Variants in TMEM184B observed in about 807,000 individuals in gnomAD.
TMEM184B encodes transmembrane protein 184B.
A neutral mutation model predicts 41.8 loss-of-function variants in TMEM184B; 17 were observed. The observed-to-expected ratio is 0.41, with a 90% CI of 0.28 to 0.61. TMEM184B has a LOEUF of 0.61. TMEM184B is among the 20% of genes least tolerant of loss of function. The probability of loss-of-function intolerance (pLI) is 0.34; values close to 1 mark genes in which losing one functional copy is unlikely to be tolerated. For synonymous variants in TMEM184B, 240 were observed against 229.5 expected, an observed-to-expected ratio of 1.05 and a Z score of -0.41; for missense variants, 393 against 557.8, an observed-to-expected ratio of 0.70 and a Z score of 2.98.
chr22:38,233,935 A>G (rs1482662360), intron 3 of TMEM184B, among the ~76,000 whole-genome samples: 1 of 151,890 alleles, frequency 6.6e-6, no homozygotes, highest in Non-Finnish European at 1.5e-5. Context: ...ACACCCAGCT[A>G]ATTTTGTATT....
chr22:38,260,150 C>A (rs752185599), intron 1 of TMEM184B, among the ~76,000 whole-genome samples: 1 of 152,000 alleles, frequency 6.6e-6, no homozygotes, highest in African/African-American at 2.4e-5. Flanking sequence ...CCTTGTGTTC[C>A]GCCCACCTTG....
intron 8 of TMEM184B, chr22:38,222,740 G>A (rs1011311380): frequency 1.0e-6 from 1 of 982,110 alleles, no homozygotes; most frequent in African/African-American, 1.8e-5. Context: ...GAAGACAAGA[G>A]ACAGCTGAGT....
chr22:38,258,368 T>A (rs2092318049), intron 1 of TMEM184B, among the ~76,000 whole-genome samples: 1 of 150,782 alleles, frequency 6.6e-6, no homozygotes, highest in African/African-American at 2.4e-5. Context: ...AGGAACAATC[T>A]CGGCTCACTG....
At chr22:38,264,781 G>A (rs1047939431) in intron 1 of TMEM184B, among the ~76,000 whole-genome samples, 5 of 152,152 alleles carry the variant, frequency 3.3e-5, no homozygotes, top group Admixed American at 2.6e-4. Flanking sequence ...GGGAAAAGAA[G>A]GAAAAGTCTT....
chr22:38,231,235 C>T lies in TMEM184B; in HGVS notation c.449+9G>A. On this transcript the variant is annotated intron_variant, in intron 4 of 8. Coordinates refer to ENST00000361906, the MANE Select transcript of TMEM184B (RefSeq NM_012264.5). ...GTGGTTTAGGGCTCTGGGAAGACTC[C>T]ATACTCACTCAATGGGTTTTCCTCT... is the stretch of plus-strand genomic sequence containing the variant. The T allele has an allele frequency of 6.2e-7, 1 of 1,613,090 alleles. No homozygotes were observed. The highest frequency in any genetic ancestry group is 8.5e-7 in the Non-Finnish European group (1 of 1,179,086).
intron 8 of TMEM184B, chr22:38,222,198 C>T (rs2091280733): frequency 6.0e-6 from 1 of 166,524 alleles, no homozygotes; most frequent in East Asian, 1.8e-4. Flanking sequence ...TGGCCTGCAC[C>T]CCCAGGGGAG....
At chr22:38,227,081 C>T (rs2091465652) in intron 5 of TMEM184B, among the ~76,000 whole-genome samples, 1 of 150,830 alleles carries the variant, frequency 6.6e-6, no homozygotes, top group Non-Finnish European at 1.5e-5. Context: ...TGGGGGGTGG[C>T]TACGTGTCCT....
chr22:38,259,114 T>C (rs541994435), intron 1 of TMEM184B, among the ~76,000 whole-genome samples: 13 of 152,294 alleles, frequency 8.5e-5, no homozygotes, highest in Non-Finnish European at 1.5e-4. Context: ...CTTTCTCAGA[T>C]AAGCTACGCA....
At chr22:38,272,618 A>T in intron 1 of TMEM184B, 1 of 985,460 alleles carries the variant, frequency 1.0e-6, no homozygotes, top group Non-Finnish European at 1.2e-6. Context: ...ATTACACTCC[A>T]GGAGCTGCCC....
At position 38,270,134 on chromosome 22, in the gene TMEM184B, G is replaced by A. The variant is rs536154522; in HGVS notation, c.-59+2750C>T. Among the ~76,000 whole-genome samples the A allele has an allele frequency of 3.3e-5, 5 of 152,286 alleles. No individual in the cohort carries two copies. In the South Asian group the frequency reaches 1.0e-3, roughly 32 times the overall value. ...TCAAGCCTCTGCGTCTGAGAGGTGAGGCAGCTCAGACCTCCACATCTGCCC... is the reference window on the plus strand; with the variant it reads ...TCAAGCCTCTGCGTCTGAGAGGTGAAGCAGCTCAGACCTCCACATCTGCCC... On this transcript the variant is annotated intron_variant, in intron 1 of 8. Coordinates refer to ENST00000361906, the MANE Select transcript of TMEM184B (RefSeq NM_012264.5).
At chr22:38,263,839 C>G (rs1436678076) in intron 1 of TMEM184B, among the ~76,000 whole-genome samples, 2 of 152,218 alleles carry the variant, frequency 1.3e-5, no homozygotes, top group East Asian at 3.8e-4. Context: ...CAGTCTCGCT[C>G]TGTCTCCCAG....
downstream of TMEM184B, among the ~76,000 whole-genome samples, chr22:38,217,786 G>A (rs1482421136): frequency 2.0e-5 from 3 of 147,816 alleles, no homozygotes; most frequent in Admixed American, 6.8e-5. Flanking sequence ...AGCTGAGATC[G>A]CGCCACTGCA....
In TMEM184B at chr22:38,225,904, A is replaced by G. The variant is rs2091421434; in HGVS notation, c.618-311T>C. ...GCCGGGCCCGAGGCCATAGCCTGACACTCAGATAACAGGCGTCAAAATAGG... is the reference window on the plus strand; with the variant it reads ...GCCGGGCCCGAGGCCATAGCCTGACGCTCAGATAACAGGCGTCAAAATAGG... On this transcript the variant is annotated intron_variant, in intron 6 of 8. Transcript: ENST00000361906. The surrounding 1 kb of genome is among the most constrained non-coding windows in gnomAD (Gnocchi z 4.4). 6.6e-6 allele frequency among the ~76,000 whole-genome samples: 1 copy of G among 152,010 alleles called. No homozygotes were observed. Among genetic ancestry groups the G allele is most frequent in the African/African-American group, 2.4e-5 (1 of 41,362 alleles).
intron 1 of TMEM184B, among the ~76,000 whole-genome samples, chr22:38,271,862 G>A (rs555624506): frequency 6.6e-6 from 1 of 152,214 alleles, no homozygotes; most frequent in Non-Finnish European, 1.5e-5. Context: ...TAAATAGGTA[G>A]ATGGAAAGGG....
At chr22:38,269,183 A>G (rs970362482) in intron 1 of TMEM184B, among the ~76,000 whole-genome samples, 3 of 152,196 alleles carry the variant, frequency 2.0e-5, no homozygotes, top group Admixed American at 6.5e-5. Context: ...TGCTCAGCGC[A>G]TTACCTCCCT....
chr22:38,219,541 G>A lies in TMEM184B; in HGVS notation c.*1928C>T. The stretch of plus-strand genomic sequence containing the variant: ...TGGAAAGAAAATTAAAAAAAAAAAA[G>A]ACAAGGTAGGTTATGCATCCTAAGG... On this transcript the variant is annotated 3_prime_UTR_variant, in exon 9 of 9. Coordinates refer to ENST00000361906, the MANE Select transcript of TMEM184B (RefSeq NM_012264.5). 1 of 985,320 alleles carries A rather than the reference G, an allele frequency of 1.0e-6. No homozygotes were observed. The highest frequency in any genetic ancestry group is 1.2e-6 in the Non-Finnish European group (1 of 829,798). 61.0% of individuals were successfully genotyped at this position (985,320 alleles called of 1,614,324 possible). A position where few individuals can be genotyped will look rare whatever the true frequency, so the allele number is the denominator to read the frequency against.
intron 3 of TMEM184B, among the ~76,000 whole-genome samples, chr22:38,244,519 C>T (rs2091981963): frequency 6.6e-6 from 1 of 151,734 alleles, no homozygotes; most frequent in African/African-American, 2.4e-5. Context: ...TGCAATGGCA[C>T]GACCTCAGCT....
At chr22:38,218,040 GA>G (rs2091171797), downstream of TMEM184B, among the ~76,000 whole-genome samples, 1 of 152,012 alleles carries the variant, frequency 6.6e-6, no homozygotes, top group Non-Finnish European at 1.5e-5. Context: ...ACCCAGAGAG[GA>G]AAAAACCCAG....
intron 1 of TMEM184B, among the ~76,000 whole-genome samples, chr22:38,260,101 G>A (rs1437587522): frequency 6.6e-6 from 1 of 152,162 alleles, no homozygotes; most frequent in Non-Finnish European, 1.5e-5. Context: ...GTAGAGACAG[G>A]CTTTCACCAT....
Sources: allele counts gnomAD v4.1 joint callset (sites outside exome capture counted in the v4.1 genomes callset), GRCh38; gene constraint gnomAD v4.1.1; non-coding constraint Gnocchi (gnomAD v3.1); transcripts MANE v1.5; gene names NCBI Gene and HGNC (gene_info 2026-07-23, HGNC 2026-07-21).